The following GRIK2 variants were observed in gnomAD, a reference collection of about 807,000 sequenced individuals.
The protein encoded by GRIK2 is glutamate receptor ionotropic, kainate 2.
Under a neutral mutation model 100.3 loss-of-function variants are expected in GRIK2, and 32 were observed. The ratio of observed to expected loss-of-function variants is 0.32; its 90% CI spans 0.24 to 0.43. GRIK2 has a LOEUF of 0.43. Ranked by LOEUF, GRIK2 falls within the 20% of genes least tolerant of loss-of-function variation. The pLI is 1.00. For synonymous variants in GRIK2, 417 were observed against 389.4 expected (o/e 1.07, Z -0.83); for missense variants, 843 against 1,114.9 (o/e 0.76, Z 3.47).
At chr6:101,417,941 C>G (rs1411098533) in intron 2 of GRIK2, among the ~76,000 whole-genome samples, 2 of 152,150 alleles carry the variant, frequency 1.3e-5, no homozygotes, top group African/African-American at 4.8e-5. Context: ...TCCTGAAAAT[C>G]TGGGTGTGGA....
chr6:101,448,544 A>G (rs897381035), intron 2 of GRIK2, among the ~76,000 whole-genome samples: 3 of 151,584 alleles, frequency 2.0e-5, no homozygotes, highest in Admixed American at 6.6e-5. Context: ...ATATGATTGG[A>G]CACAAAATTT....
At position 102,069,354 on chromosome 6, in the gene GRIK2, G is replaced by A. The variant is rs2114548482; in HGVS notation, c.*843G>A. On this transcript the variant is annotated 3_prime_UTR_variant, in exon 17 of 17. Transcript: ENST00000369134. Reference sequence around the variant, plus strand: ...AATAATAATAAAAGCAGTTGGTTCAGTGATTCTGAATTAAAAGGATAATGT... The same window carrying A: ...AATAATAATAAAAGCAGTTGGTTCAATGATTCTGAATTAAAAGGATAATGT... 1 of 149,326 alleles carries A rather than the reference G, an allele frequency of 6.7e-6. No homozygotes were observed. The highest frequency in any genetic ancestry group is 2.0e-4 in the East Asian group (1 of 5,092). The allele number at this position is 149,326 out of a possible 1,614,324, so 9.3% of individuals were successfully genotyped here.
At chr6:101,570,349 T>C (rs1338727207) in intron 2 of GRIK2, among the ~76,000 whole-genome samples, 1 of 152,064 alleles carries the variant, frequency 6.6e-6, no homozygotes, top group South Asian at 2.1e-4. Flanking sequence ...GGTGATGATA[T>C]TCTACAAGCA....
At position 102,031,109 on chromosome 6, in the gene GRIK2, ACACACACACACACACACACC is replaced by A. The variant is rs1272576730; in HGVS notation, c.2086-4230_2086-4211del. Reference sequence around the variant, plus strand: ...CACACACACACACACACACACACACACACACACACACACACACACCCCCTTTGAGTTTCTGGATGTCTTTC... The same window carrying A: ...CACACACACACACACACACACACACACCCTTTGAGTTTCTGGATGTCTTTC... On this transcript the variant is annotated intron_variant, in intron 14 of 16. Transcript: ENST00000369134. 3.7e-3 allele frequency among the ~76,000 whole-genome samples: 533 copies of A among 142,930 alleles called. 2 individuals are homozygous for A. The highest frequency in any genetic ancestry group is 0.011 in the African/African-American group (430 of 39,514). The allele number at this position is 142,930 out of a possible 152,430, so 93.8% of individuals were successfully genotyped here. A position where few individuals can be genotyped will look rare whatever the true frequency, so the allele number is the denominator to read the frequency against.
At chr6:101,870,750 AAC>A (rs1785360754) in intron 11 of GRIK2, among the ~76,000 whole-genome samples, 2 of 151,872 alleles carry the variant, frequency 1.3e-5, no homozygotes, top group Non-Finnish European at 2.9e-5. Flanking sequence ...TAAACTTATT[AAC>A]AGAGTTTTGA....
chr6:101,570,699 A>T (rs144157842), intron 2 of GRIK2, among the ~76,000 whole-genome samples: 1 of 152,260 alleles, frequency 6.6e-6, no homozygotes, highest in East Asian at 1.9e-4. Context: ...TTGAATGCCA[A>T]CACTTTAGCA....
At chr6:101,617,297 C>CT (rs1250502111) in intron 2 of GRIK2, among the ~76,000 whole-genome samples, 1 of 151,794 alleles carries the variant, frequency 6.6e-6, no homozygotes, top group Non-Finnish European at 1.5e-5. Context: ...TCTCTTCTTA[C>CT]TGCTATTCCC....
At chr6:101,638,684 TTG>T (rs1044368829) in intron 4 of GRIK2, among the ~76,000 whole-genome samples, 2 of 151,992 alleles carry the variant, frequency 1.3e-5, no homozygotes, top group African/African-American at 4.8e-5. Context: ...CTGTCATTTG[TTG>T]TGTGTGTGTA....
intron 9 of GRIK2, among the ~76,000 whole-genome samples, chr6:101,806,943 A>G (rs974890540): frequency 6.6e-5 from 10 of 151,720 alleles, no homozygotes; most frequent in Non-Finnish European, 2.9e-5. Flanking sequence ...TACTAGATGG[A>G]AAATATATGC....
intron 14 of GRIK2, among the ~76,000 whole-genome samples, chr6:101,932,080 T>G (rs999121149): frequency 1.3e-5 from 2 of 152,052 alleles, no homozygotes; most frequent in Non-Finnish European, 2.9e-5. Context: ...ATGGCTTTTT[T>G]TGAGAATGCT....
chr6:101,767,859 T>C (rs1439536431), intron 7 of GRIK2, among the ~76,000 whole-genome samples: 1 of 152,080 alleles, frequency 6.6e-6, no homozygotes, highest in East Asian at 1.9e-4. Context: ...ATTTTATTTT[T>C]ATTTTTATTT....
At chr6:101,930,351 AAAAT>A (rs1189404463) in intron 14 of GRIK2, among the ~76,000 whole-genome samples, 1 of 6,020 alleles carries the variant, frequency 1.7e-4, no homozygotes, top group African/African-American at 5.9e-4. Flanking sequence ...TCAAAAAAAA[AAAAT>A]AAAATAAAAT....
chr6:101,787,305 T>C (rs1339497957), intron 7 of GRIK2, among the ~76,000 whole-genome samples: 1 of 152,014 alleles, frequency 6.6e-6, no homozygotes, highest in African/African-American at 2.4e-5. Flanking sequence ...CTATTTCATT[T>C]ATTTCAGTTC....
chr6:102,017,971 T>A (rs1769208856), intron 14 of GRIK2, among the ~76,000 whole-genome samples: 1 of 152,264 alleles, frequency 6.6e-6, no homozygotes, highest in East Asian at 1.9e-4. Context: ...ATAATCATAG[T>A]TTTTAGGCGT....
chr6:101,891,536 AAG>A, intron 12 of GRIK2: 1 of 386,992 alleles, frequency 2.6e-6, no homozygotes, highest in African/African-American at 2.2e-5. Context: ...AAAAAAAAAA[AAG>A]GTGGATTATA....
chr6:101,596,502 G>A (rs1170759102), intron 2 of GRIK2, among the ~76,000 whole-genome samples: 1 of 151,614 alleles, frequency 6.6e-6, no homozygotes, highest in Non-Finnish European at 1.5e-5. Flanking sequence ...TAGATGATAG[G>A]AAGAATCAAG....
At chr6:101,396,314 A>T (rs889745416) in intron 1 of GRIK2, among the ~76,000 whole-genome samples, 37 of 148,170 alleles carry the variant, frequency 2.5e-4, no homozygotes, top group Admixed American at 1.3e-3. Context: ...CTAGTAACAG[A>T]TGGAAATCTG....
chr6:101,945,085 TACA>T (rs1395199510), intron 14 of GRIK2, among the ~76,000 whole-genome samples: 1 of 152,134 alleles, frequency 6.6e-6, no homozygotes, highest in Non-Finnish European at 1.5e-5. Context: ...TTGTGTATAT[TACA>T]GGAAAATTGC....
At chr6:101,941,336 A>G (rs1050932602) in intron 14 of GRIK2, among the ~76,000 whole-genome samples, 7 of 152,118 alleles carry the variant, frequency 4.6e-5, no homozygotes, top group African/African-American at 1.7e-4. Context: ...GAGAGTCTGG[A>G]TAAGGATATG....
Sources: allele counts gnomAD v4.1 joint callset (sites outside exome capture counted in the v4.1 genomes callset), GRCh38; gene constraint gnomAD v4.1.1; transcripts MANE v1.5; gene names NCBI Gene and HGNC (gene_info 2026-07-23, HGNC 2026-07-21).